WDR90: variants seen among roughly 807,000 people sequenced by gnomAD.
The protein encoded by WDR90 is WD repeat-containing protein 90.
In WDR90, 238 loss-of-function variants were observed where a neutral mutation model predicts 195.2. The ratio of observed to expected loss-of-function variants is 1.22; its 90% CI spans 1.10 to 1.36. WDR90 has a LOEUF of 1.36. Ranked by LOEUF, WDR90 falls within the 40% of genes most tolerant of loss-of-function variation. The pLI is 0.00. For missense variants in WDR90, 2,734 were observed against 2,439.5 expected (o/e 1.12, Z -2.54); for synonymous variants, 1,265 against 1,052.4 (o/e 1.20, Z -3.91).
chr16:660,271 T>A, intron 27 of WDR90, 110 bp downstream of exon 27: 1 of 1,038,398 alleles, frequency 9.6e-7, no homozygotes, highest in Non-Finnish European at 1.4e-6. Flanking sequence ...AGGTGATGGC[T>A]CTGGCCCTTG....
At position 666,080 on chromosome 16, in the gene WDR90, AC is replaced by A; in HGVS notation, c.4570del (p.His1524ThrfsTer5). The A allele has an allele frequency of 1.2e-6, 2 of 1,609,760 alleles. No individual in the cohort carries two copies. ...VSRTAMELKM[H>X]PHPVALTTVA... is the part of the protein sequence containing the mutation. ...CGCACGGCCATGGAGCTCAAGATGC[AC>A]CCCCACCCGGTGGCGCTGACCACTG... On this transcript the variant is annotated frameshift_variant, in exon 36 of 41. Coordinates refer to ENST00000293879, the MANE Select transcript of WDR90 (RefSeq NM_145294.5). LOFTEE classifies it high-confidence loss of function.
Position 658,947 on chromosome 16 carries a change from C to G in WDR90, c.2947C>G (p.Gln983Glu). 2 of 1,612,910 alleles carry G rather than the reference C, an allele frequency of 1.2e-6. No homozygotes were observed. The highest frequency in any genetic ancestry group is 1.7e-6 in the Non-Finnish European group (2 of 1,179,990). ...GCAGGCTGTGGCCTTCTCTCCTGAC[C>G]AGCAGCAGGTCCTCAGCGCAGGGGA... is the stretch of plus-strand genomic sequence containing the variant. ...PVQAVAFSPD[Q>E]QQVLSAGDAV... is the part of the protein sequence containing the mutation. The change falls in exon 24 of 41, where the codon CAG becomes GAG. Residue 983 changes from glutamine to glutamate, a missense_variant. Transcript: ENST00000293879.
chr16:651,167 C>G, intron 6 of WDR90, 32 bp from the exon 7 acceptor site: 1 of 1,613,128 alleles, frequency 6.2e-7, no homozygotes, highest in Non-Finnish European at 8.5e-7. Context: ...CCCTTGGGCC[C>G]CCAGACACTG....
intron 27 of WDR90, 49 bp downstream of exon 27, chr16:660,210 G>GC: frequency 7.0e-7 from 1 of 1,432,558 alleles, no homozygotes. Flanking sequence ...AAGCACAGAG[G>GC]CCCCCCGCAG....
chr16:652,813 C>T (rs1422109058), intron 10 of WDR90, among the ~76,000 whole-genome samples: 1 of 152,238 alleles, frequency 6.6e-6, no homozygotes, highest in African/African-American at 2.4e-5. Flanking sequence ...CCCCCGAAGA[C>T]CCAGAGCTCT....
Position 656,721 on chromosome 16 carries a change from C to G in WDR90, c.2203-11C>G. 6.2e-7 allele frequency: 1 copy of G among 1,609,852 alleles called. No homozygotes were observed. The highest frequency in any genetic ancestry group is 8.5e-7 in the Non-Finnish European group (1 of 1,177,922). ...CCCTGCCCTCCCCTCAGCACGGCCC[C>G]TGTCCCACAGCTATACGACTTCACA... is the stretch of plus-strand genomic sequence containing the variant. On this transcript the variant is annotated splice_polypyrimidine_tract_variant and intron_variant, in intron 18 of 40. Transcript: ENST00000293879.
rs764717585 is a variant in WDR90, at chr16:666,487, A to C, written c.4773A>C (p.Leu1591=). The change falls in exon 38 of 41, where the codon CTA becomes CTC. Residue 1591 remains leucine, a synonymous_variant. Coordinates refer to ENST00000293879, the MANE Select transcript of WDR90 (RefSeq NM_145294.5). ...ACTTAGGGGTGGAGGGCACAGACCT[A>C]TGGCTGGCTGCCAGTGGGGACCAGC... ...CEDLGVEGTD[L]WLAASGDQRV... The C allele has an allele frequency of 6.2e-7, 1 of 1,612,526 alleles. No homozygotes were observed. The highest frequency in any genetic ancestry group is 1.3e-5 in the African/African-American group (1 of 74,918).
intron 27 of WDR90, 90 bp from the exon 28 acceptor site, chr16:660,522 G>C (rs920239771): frequency 5.2e-6 from 7 of 1,348,830 alleles, no homozygotes; most frequent in Non-Finnish European, 7.2e-6. Context: ...GCTGGCCTGG[G>C]TGTGCCCCAA....
intron 11 of WDR90, 34 bp from the exon 12 acceptor site, chr16:653,491 C>G (rs897331435): frequency 6.2e-7 from 1 of 1,612,526 alleles, no homozygotes; most frequent in Non-Finnish European, 8.5e-7. Context: ...ACACCTGCAG[C>G]CCCTACACCC....
Position 667,827 on chromosome 16 carries a change from T to A in WDR90, c.*238T>A. On this transcript the variant is annotated 3_prime_UTR_variant, in exon 41 of 41. Transcript: ENST00000293879. Reference sequence around the variant, plus strand: ...TCTTGTAATAAACATGGGCATTTATTGCATTATTGCTGCATTGTTGCACTG... The same window carrying A: ...TCTTGTAATAAACATGGGCATTTATAGCATTATTGCTGCATTGTTGCACTG... 1 of 655,722 alleles carries A rather than the reference T, an allele frequency of 1.5e-6. No homozygotes were observed. Among genetic ancestry groups the A allele is most frequent in the Non-Finnish European group, 2.7e-6 (1 of 365,470 alleles). The allele number at this position is 655,722 out of a possible 1,614,324, so 40.6% of individuals were successfully genotyped here.
chr16:664,436 T>C (rs1436514025), intron 34 of WDR90, among the ~76,000 whole-genome samples: 1 of 152,192 alleles, frequency 6.6e-6, no homozygotes. Flanking sequence ...AGATCATGTG[T>C]GTGTCCATCC....
At chr16:649,282 G>GGCCAGGGCGCC, upstream of WDR90, 1 of 1,122,040 alleles carries the variant, frequency 8.9e-7, no homozygotes, top group Non-Finnish European at 1.2e-6. Context: ...GAGGTCACGT[G>GGCCAGGGCGCC]GCCAGGGCGC....
Position 661,594 on chromosome 16 carries a change from C to A in WDR90, c.3674-3C>A, listed in dbSNP as rs749196526. 2 of 1,586,380 alleles carry A rather than the reference C, an allele frequency of 1.3e-6. No homozygotes were observed. The highest frequency in any genetic ancestry group is 1.7e-4 in the Middle Eastern group (1 of 5,952). On this transcript the variant is annotated splice_polypyrimidine_tract_variant and splice_region_variant and intron_variant, in intron 30 of 40. Coordinates refer to ENST00000293879, the MANE Select transcript of WDR90 (RefSeq NM_145294.5). ...TGACGTGGCTGCTCTGTGTCCTTCCCAGGGGACCACGATGGCCGCACCCTC... is the reference window on the plus strand; with the variant it reads ...TGACGTGGCTGCTCTGTGTCCTTCCAAGGGGACCACGATGGCCGCACCCTC...
chr16:655,316 G>C lies in WDR90; in HGVS notation c.1566G>C (p.Ser522=). The stretch of plus-strand genomic sequence containing the variant: ...TCCTCATTCCTTGCAGGATGGCGTC[G>C]TGCGGGCAGGGCAGTGTGCGGCTCT... ...VTFFDETRMA[S]CGQGSVRLWR... Residue 522 remains serine, a synonymous_variant, in exon 15 of 41, where the codon TCG becomes TCC. Coordinates refer to ENST00000293879, the MANE Select transcript of WDR90 (RefSeq NM_145294.5). 6.2e-7 allele frequency: 1 copy of C among 1,605,524 alleles called. No individual in the cohort carries two copies.
At position 660,088 on chromosome 16, in the gene WDR90, C is replaced by A; in HGVS notation, c.3215C>A (p.Pro1072Gln). 2.6e-6 allele frequency: 4 copies of A among 1,547,818 alleles called. No homozygotes were observed. Among genetic ancestry groups the A allele is most frequent in the Non-Finnish European group, 2.6e-6 (3 of 1,147,166 alleles). ...AGGGACACCAGGAATTCGGGGGCCC[C>A]ACGCACCACCTACCTGGCTTCCTGC... The part of the protein sequence containing the change: ...GARDTRNSGA[P>Q]RTTYLASCKA... The change falls in exon 27 of 41, where the codon CCA (proline) becomes CAA (glutamine). Residue 1072 changes from proline (P) to glutamine (Q), a missense_variant. Physicochemically the swap from Pro to Gln is moderately conservative, Grantham distance 76. Transcript: ENST00000293879.
chr16:659,116 C>T lies in WDR90; in HGVS notation c.3042C>T (p.Ala1014=), dbSNP rs2037833845. ...AAAGCTTCCCCGGGGCCCCCCCAGC[C>T]TGCAAGACAGGTGAGTGGCTGTGCT... ...SDQSFPGAPP[A]CKTGPGAGPL... The change falls in exon 25 of 41, where the codon GCC becomes GCT. Residue 1014 remains alanine, a synonymous_variant. Transcript: ENST00000293879. The T allele has an allele frequency of 6.2e-7, 1 of 1,612,074 alleles. No individual in the cohort carries two copies.
In WDR90 at chr16:661,695, A is replaced by C; in HGVS notation, c.3772A>C (p.Asn1258His). 31 of 1,612,444 alleles carry C rather than the reference A, an allele frequency of 1.9e-5. No individual in the cohort carries two copies. The highest frequency in any genetic ancestry group is 2.6e-5 in the Non-Finnish European group (31 of 1,179,810). ...GGAGCCGGTGCATGGTGTGGCCTTC[A>C]ACCCCTGGGACGCCGGCGAGCTCAC... ...LPEPVHGVAF[N>H]PWDAGELTCV... The change falls in exon 31 of 41, where the codon AAC (asparagine) becomes CAC (histidine). Residue 1258 changes from asparagine (N) to histidine (H), a missense_variant. Physicochemically the swap from Asn to His is moderately conservative, Grantham distance 68 (BLOSUM62 1). Coordinates refer to ENST00000293879, the MANE Select transcript of WDR90 (RefSeq NM_145294.5).
Position 662,681 on chromosome 16 carries a change from C to A in WDR90, c.4148C>A (p.Ser1383Tyr). 2 of 1,547,578 alleles carry A rather than the reference C, an allele frequency of 1.3e-6. No individual in the cohort carries two copies. Among genetic ancestry groups the A allele is most frequent in the South Asian group, 2.5e-5 (2 of 81,006 alleles). ...CTTCCCTGCACCCTGAGGTCCAGTT[C>A]TGTGTTCATGGAACACGAGCTGGTG... Reference protein sequence around the residue: ...ELRCKGSGASSVFMEHELVLD... With the variant: ...ELRCKGSGASYVFMEHELVLD... The change falls in exon 34 of 41, where the codon TCT (serine) becomes TAT (tyrosine). Residue 1383 changes from serine to tyrosine, a missense_variant and splice_region_variant. Transcript: ENST00000293879.
At chr16:658,442 C>A in intron 22 of WDR90, 83 bp from the exon 23 acceptor site, 1 of 1,576,184 alleles carries the variant, frequency 6.3e-7, no homozygotes, top group Non-Finnish European at 8.6e-7. Flanking sequence ...GGGGGGCCGT[C>A]GCCACACCCA....
Sources: gnomAD v4.1 joint callset for allele counts (sites outside exome capture counted in the v4.1 genomes callset) on GRCh38, gnomAD v4.1.1 for gene constraint, MANE v1.5 for transcripts, NCBI Gene and HGNC (gene_info 2026-07-23, HGNC 2026-07-21) for gene names.